Variants in NRK observed in about 807,000 individuals in gnomAD.
NRK encodes Nik related kinase.
Under a neutral mutation model 125.2 loss-of-function variants are expected in NRK, and 67 were observed. The ratio of observed to expected loss-of-function variants is 0.54; its 90% CI spans 0.44 to 0.66. The LOEUF (loss-of-function observed/expected upper bound fraction) is 0.66, where lower values mean the gene tolerates loss of function less well. NRK is among the 30% of genes least tolerant of loss of function. The pLI is 0.00. For synonymous variants in NRK, 458 were observed against 429.0 expected, an observed-to-expected ratio of 1.07 and a Z score of -0.84; for missense variants, 1,224 against 1,192.9, an observed-to-expected ratio of 1.03 and a Z score of -0.38.
At chrX:105,922,496 A>G (rs948138412) in intron 17 of NRK, among the ~76,000 whole-genome samples, 26 of 111,935 alleles carry the variant, frequency 2.3e-4, no homozygotes, top group African/African-American at 8.4e-4. Flanking sequence ...CTTTGTGAAC[A>G]TGTTTAAATT....
intron 5 of NRK, among the ~76,000 whole-genome samples, chrX:105,890,275 G>A (rs770968346): frequency 1.8e-5 from 2 of 111,521 alleles, no homozygotes; most frequent in South Asian, 3.8e-4. Flanking sequence ...CATATTGTCC[G>A]TATCATTATC....
At chrX:105,844,775 A>G (rs2039379585) in intron 2 of NRK, among the ~76,000 whole-genome samples, 1 of 112,136 alleles carries the variant, frequency 8.9e-6, no homozygotes, top group Non-Finnish European at 1.9e-5. Context: ...AGAAATAAAT[A>G]GCAAAGTAGC....
At chrX:105,830,913 G>T in intron 1 of NRK, 141 bp from the exon 2 acceptor site, 1 of 410,859 alleles carries the variant, frequency 2.4e-6, no homozygotes, top group Non-Finnish European at 4.2e-6. Flanking sequence ...CACCAACATG[G>T]CACATGTATA....
chrX:105,901,011 G>A (rs612126), intron 9 of NRK, among the ~76,000 whole-genome samples: 36,994 of 109,834 alleles, frequency 0.34, 5,999 homozygotes, highest in African/African-American at 0.64. Flanking sequence ...TCTGGTTGGC[G>A]TTCCAGTCTA....
intron 19 of NRK, among the ~76,000 whole-genome samples, chrX:105,926,578 A>T (rs2040526455): frequency 9.0e-6 from 1 of 111,031 alleles, no homozygotes; most frequent in Non-Finnish European, 1.9e-5. Flanking sequence ...TCCCAAACCA[A>T]TGTCCACAAG....
rs779987859 is a variant in NRK, at chrX:105,826,990, C to G, written c.58-4064C>G. ...AAGAATAATTTGGAGATTTTGGGAC[C>G]CATGATCAAAAATTCTGATATCGTA... is the stretch of plus-strand genomic sequence containing the variant. On this transcript the variant is annotated intron_variant, in intron 1 of 28. Coordinates refer to ENST00000243300, the MANE Select transcript of NRK (RefSeq NM_198465.4). Among the ~76,000 whole-genome samples the G allele has an allele frequency of 1.4e-3, 154 of 111,244 alleles. 1 individual carries two copies. The highest frequency in any genetic ancestry group is 4.9e-3 in the African/African-American group (151 of 30,568).
rs376611742 is a variant in NRK, at chrX:105,859,308, T to C, written c.124-20891T>C. 3.6e-5 allele frequency among the ~76,000 whole-genome samples: 4 copies of C among 111,510 alleles called. No homozygotes were observed. The East Asian group carries it at 8.5e-4, about 24-fold the overall frequency. On this transcript the variant is annotated intron_variant, in intron 2 of 28. Coordinates refer to ENST00000243300, the MANE Select transcript of NRK (RefSeq NM_198465.4). ...CCACTTCCAAGCACAAACAGACCTA[T>C]ATAGAATAGTAAAATTGCTAAGATG...
chrX:105,925,203 G>A (rs1428071610), intron 19 of NRK, among the ~76,000 whole-genome samples, 172 bp downstream of exon 19: 1 of 111,086 alleles, frequency 9.0e-6, no homozygotes, highest in African/African-American at 3.3e-5. Flanking sequence ...TAATTTGGGT[G>A]GTTCCTATTT....
In NRK at chrX:105,865,814, T is replaced by C. The variant is rs757481390; in HGVS notation, c.124-14385T>C. Among the ~76,000 whole-genome samples the C allele has an allele frequency of 2.7e-5, 3 of 110,896 alleles. No individual in the cohort carries two copies. In the East Asian group the frequency reaches 8.5e-4, roughly 32 times the overall value. On this transcript the variant is annotated intron_variant, in intron 2 of 28. Transcript: ENST00000243300. ...GGTCATACAGCCTTGTAGGCATTGC[T>C]ATATCAAGATAATTTTTTCCTCATT...
intron 2 of NRK, among the ~76,000 whole-genome samples, chrX:105,856,590 A>G (rs1183231253): frequency 9.0e-6 from 1 of 111,032 alleles, no homozygotes; most frequent in African/African-American, 3.3e-5. Context: ...TACCACTACC[A>G]CAGGACCGCT....
intron 12 of NRK, 23 bp from the exon 13 acceptor site, chrX:105,908,698 TATGCCA>T (rs1387972619): frequency 8.7e-7 from 1 of 1,152,943 alleles, no homozygotes; most frequent in Non-Finnish European, 1.2e-6. Flanking sequence ...ATTCTAATTG[TATGCCA>T]ATCATTTGTG....
rs1251935445 is a variant in NRK at position 105,947,460 on chromosome X, A to AG, written c.4353+996_4353+997insG. ...TCCGTCTCAAAAAAAAAAAAAAAAA[A>AG]AAAGAAAGAAATACGGTGCAACATC... On this transcript the variant is annotated intron_variant, in intron 26 of 28. Transcript: ENST00000243300. Among the ~76,000 whole-genome samples the AG allele has an allele frequency of 1.4e-4, 8 of 56,897 alleles. 1 individual carries two copies. Among genetic ancestry groups the AG allele is most frequent in the Non-Finnish European group, 2.4e-4 (8 of 33,989 alleles). The allele number at this position is 56,897 out of a possible 115,157, so 49.4% of individuals were successfully genotyped here. A position where few individuals can be genotyped will look rare whatever the true frequency, so the allele number is the denominator to read the frequency against.
chrX:105,899,411 T>C (rs1223015764), intron 8 of NRK, among the ~76,000 whole-genome samples: 1 of 111,691 alleles, frequency 9.0e-6, no homozygotes, highest in Non-Finnish European at 1.9e-5. Context: ...GACTCAAAAC[T>C]TGAAGTTGAT....
intron 28 of NRK, among the ~76,000 whole-genome samples, chrX:105,954,845 G>A (rs1033702065): frequency 6.5e-4 from 73 of 111,725 alleles, no homozygotes; most frequent in African/African-American, 2.3e-3. Context: ...ATCTATTGAT[G>A]TCCATTTTGC....
rs1018681747 is a variant in NRK at position 105,923,278 on chromosome X, A to G, written c.2771A>G (p.Tyr924Cys). The change falls in exon 18 of 29, where the codon TAT (tyrosine) becomes TGT (cysteine). Residue 924 changes from tyrosine (Y) to cysteine (C), a missense_variant. Coordinates refer to ENST00000243300, the MANE Select transcript of NRK (RefSeq NM_198465.4). ...PEEDGDYVEL[Y>C]DASADTDGDD... ...GAGGATGGTGATTATGTTGAACTCT[A>G]TGATGCCAGTGCTGATACTGATGGT... The G allele has an allele frequency of 3.3e-6, 4 of 1,202,576 alleles. No homozygotes were observed. Among genetic ancestry groups the G allele is most frequent in the Non-Finnish European group, 3.4e-6 (3 of 887,907 alleles).
At chrX:105,934,672 T>C (rs943125969) in intron 20 of NRK, among the ~76,000 whole-genome samples, 11 of 112,440 alleles carry the variant, frequency 9.8e-5, no homozygotes, top group African/African-American at 3.5e-4. Flanking sequence ...TTATGTGTGT[T>C]TTCTAATCAC....
At chrX:105,822,292 C>T (rs1283603722), upstream of NRK, among the ~76,000 whole-genome samples, 2 of 69,721 alleles carry the variant, frequency 2.9e-5, no homozygotes, top group South Asian at 1.8e-3. Context: ...GGGGCAGGGG[C>T]GGCTGGCGCA....
chrX:105,881,722 A>G lies in NRK; in HGVS notation c.195A>G (p.Glu65=). The change falls in exon 4 of 29, where the codon GAA becomes GAG. Residue 65 remains glutamate, a synonymous_variant. Coordinates refer to ENST00000243300, the MANE Select transcript of NRK (RefSeq NM_198465.4). ...CTTGGTTACAGACCCCTTTACCTGAAATAGGAAGGCGAGTGAGAGTGAATA... is the reference window on the plus strand; with the variant it reads ...CTTGGTTACAGACCCCTTTACCTGAGATAGGAAGGCGAGTGAGAGTGAATA... The part of the protein sequence containing the change: ...VMNARKTPLP[E]IGRRVRVNKY... 1 of 1,145,303 alleles carries G rather than the reference A, an allele frequency of 8.7e-7. No homozygotes were observed. Among genetic ancestry groups the G allele is most frequent in the Non-Finnish European group, 1.2e-6 (1 of 850,308 alleles). The allele number at this position is 1,145,303 out of a possible 1,213,427, so 94.4% of individuals were successfully genotyped here.
In NRK at chrX:105,892,732, T is replaced by C. The variant is rs5962301; in HGVS notation, c.379-1100T>C. ...TCTGTTTTCGTTTTGTTTGGCTGTC[T>C]CTTCTTCTTTTTGGTGAAAGTGTAC... On this transcript the variant is annotated intron_variant, in intron 5 of 28. Transcript: ENST00000243300. 4.5e-3 allele frequency among the ~76,000 whole-genome samples: 504 copies of C among 111,844 alleles called. 1 individual carries two copies. The highest frequency in any genetic ancestry group is 0.023 in the Middle Eastern group (5 of 216).
Sources: gnomAD v4.1 joint callset for allele counts (sites outside exome capture counted in the v4.1 genomes callset) on GRCh38, gnomAD v4.1.1 for gene constraint, MANE v1.5 for transcripts, NCBI Gene and HGNC (gene_info 2026-07-23, HGNC 2026-07-21) for gene names.